Variants in DST observed in about 807,000 individuals in gnomAD.
DST encodes dystonin.
DST carries 253 observed loss-of-function variants against 875.2 expected under a neutral mutation model. That is an observed-to-expected ratio of 0.29 (90% CI 0.26 to 0.32). DST has a LOEUF of 0.32. DST is among the 10% of genes least tolerant of loss of function. The pLI is 1.00. For synonymous variants in DST, 3,124 were observed against 3,197.1 expected (o/e 0.98, Z 0.77); for missense variants, 8,287 against 9,111.6 (o/e 0.91, Z 3.68).
chr6:56,614,552 C>A, intron 36 of DST, 68 bp from the exon 37 acceptor site: 1 of 1,394,156 alleles, frequency 7.2e-7, no homozygotes, highest in Non-Finnish European at 9.3e-7. Flanking sequence ...ACTGACCTCT[C>A]CATAGCAAAC....
intron 5 of DST, among the ~76,000 whole-genome samples, chr6:56,718,669 A>C (rs1265477523): frequency 5.3e-5 from 8 of 152,220 alleles, no homozygotes; most frequent in Admixed American, 5.2e-4. Context: ...ATGTCCATCA[A>C]CTCTTAGGTG....
intron 4 of DST, among the ~76,000 whole-genome samples, chr6:56,813,390 T>TA (rs71549727): frequency 3.6e-4 from 51 of 140,632 alleles, no homozygotes; most frequent in South Asian, 8.7e-4. Context: ...ATAATAATAA[T>TA]AAAAAAAAAA....
chr6:56,477,450 T>C lies in DST; in HGVS notation c.21570A>G (p.Leu7190=), dbSNP rs2152412086. 2.5e-6 allele frequency: 4 copies of C among 1,614,020 alleles called. No homozygotes were observed. Among genetic ancestry groups the C allele is most frequent in the Non-Finnish European group, 3.4e-6 (4 of 1,179,882 alleles). The change falls in exon 91 of 104, where the codon CTA becomes CTG. Residue 7190 remains leucine, a synonymous_variant. Transcript: ENST00000680361. ...MKKLEEKRAE[L]NKATTMGDTV... is the part of the protein sequence containing the mutation. Reference sequence around the variant, plus strand: ...TGTCGCCCATAGTGGTGGCTTTATTTAGTTCAGCTCTCTTTTCTTCCAGTT... The same window carrying C: ...TGTCGCCCATAGTGGTGGCTTTATTCAGTTCAGCTCTCTTTTCTTCCAGTT...
intron 9 of DST, among the ~76,000 whole-genome samples, chr6:56,688,654 A>C (rs1224998132): frequency 6.6e-6 from 1 of 152,220 alleles, no homozygotes; most frequent in East Asian, 1.9e-4. Flanking sequence ...TTCATTACTT[A>C]ATAGAGTCAC....
At position 56,630,348 on chromosome 6, in the gene DST, T is replaced by C. The variant is rs775755743; in HGVS notation, c.4178A>G (p.Gln1393Arg). 6.2e-7 allele frequency: 1 copy of C among 1,613,026 alleles called. No homozygotes were observed. Among genetic ancestry groups the C allele is most frequent in the South Asian group, 1.1e-5 (1 of 91,036 alleles). The change falls in exon 31 of 104, where the codon CAA becomes CGA. Residue 1393 changes from glutamine to arginine, a missense_variant. Transcript: ENST00000680361. ...KTVNLVLKNT[Q>R]AAEALVKLYE... is the part of the protein sequence containing the mutation. ...GAGTTTTACGAGGGCTTCTGCAGCT[T>C]GAGTGTTTTTTAACACCAAGTTAAC...
chr6:56,541,090 A>G (rs1313106830), intron 61 of DST: 1 of 152,650 alleles, frequency 6.6e-6, no homozygotes, highest in Non-Finnish European at 1.5e-5. Flanking sequence ...CTGACATATC[A>G]GCAGGTTCAA....
chr6:56,944,736 A>C (rs1818565403), intron 2 of DST, among the ~76,000 whole-genome samples: 1 of 152,174 alleles, frequency 6.6e-6, no homozygotes, highest in African/African-American at 2.4e-5. Flanking sequence ...GTAGGGGAGA[A>C]ATATGCATTC....
intron 23 of DST, among the ~76,000 whole-genome samples, chr6:56,636,030 T>C (rs965792141): frequency 6.6e-6 from 1 of 152,194 alleles, no homozygotes; most frequent in Non-Finnish European, 1.5e-5. Context: ...ACTTAAAAAC[T>C]TCTATGGTTT....
chr6:56,594,263 G>T, intron 47 of DST, 70 bp from the exon 48 acceptor site: 1 of 1,279,138 alleles, frequency 7.8e-7, no homozygotes, highest in Non-Finnish European at 1.1e-6. Context: ...GCTCCTTGCC[G>T]CCTCAAGACT....
intron 26 of DST, 30 bp from the exon 27 acceptor site, chr6:56,634,288 A>G: frequency 6.2e-7 from 1 of 1,613,602 alleles, no homozygotes. Context: ...ACTCAGATTA[A>G]TGTTTTTACT....
chr6:56,800,957 C>T lies in DST; in HGVS notation c.625+50440G>A, dbSNP rs1455916004. Reference sequence around the variant, plus strand: ...ATCACCTGAGCCCAGGAACTCAAGGCTACAGTAAGCCATGATCACACCAAT... The same window carrying T: ...ATCACCTGAGCCCAGGAACTCAAGGTTACAGTAAGCCATGATCACACCAAT... On this transcript the variant is annotated intron_variant, in intron 4 of 103. Transcript: ENST00000680361. 6.9e-5 allele frequency among the ~76,000 whole-genome samples: 10 copies of T among 145,098 alleles called. No individual in the cohort carries two copies. The East Asian group carries it at 2.1e-3, about 30-fold the overall frequency.
chr6:56,642,728 T>C (rs746696487), intron 15 of DST: 3 of 1,614,064 alleles, frequency 1.9e-6, no homozygotes, highest in Admixed American at 1.7e-5. Flanking sequence ...CTGGTTCGAG[T>C]GCTGGTAGTG....
intron 36 of DST, chr6:56,619,369 G>A (rs1261615419): frequency 6.2e-7 from 1 of 1,613,488 alleles, no homozygotes; most frequent in South Asian, 1.1e-5. Context: ...TGAGCCTTTG[G>A]ATTTTATCAT....
chr6:56,844,729 C>T (rs779330541), intron 4 of DST, among the ~76,000 whole-genome samples: 1 of 152,042 alleles, frequency 6.6e-6, no homozygotes, highest in Admixed American at 6.6e-5. Flanking sequence ...AAAATTTAGC[C>T]GGGCGTGGTG....
At chr6:56,818,266 T>A (rs554068848) in intron 4 of DST, among the ~76,000 whole-genome samples, 167 of 152,030 alleles carry the variant, frequency 1.1e-3, no homozygotes, top group African/African-American at 3.4e-3. Context: ...CCAATTTTTT[T>A]AAAAAAACAA....
At chr6:56,669,811 G>A (rs926186001) in intron 10 of DST, among the ~76,000 whole-genome samples, 1 of 152,066 alleles carries the variant, frequency 6.6e-6, no homozygotes, top group Non-Finnish European at 1.5e-5. Flanking sequence ...GATGTTGTGA[G>A]GAGAAAATGA....
chr6:56,931,422 A>G (rs1260776810), intron 2 of DST, among the ~76,000 whole-genome samples: 1 of 152,228 alleles, frequency 6.6e-6, no homozygotes, highest in African/African-American at 2.4e-5. Context: ...GCAGTGCAGA[A>G]GAGAAATGTG....
At chr6:56,460,517 A>T (rs1324694774) in intron 102 of DST, 1 of 325,198 alleles carries the variant, frequency 3.1e-6, no homozygotes, top group Non-Finnish European at 5.7e-6. Flanking sequence ...AGACCCCCAA[A>T]ACTGAGCATA....
At chr6:56,638,271 C>T (rs1233361124) in intron 22 of DST, among the ~76,000 whole-genome samples, 1 of 152,012 alleles carries the variant, frequency 6.6e-6, no homozygotes, top group East Asian at 1.9e-4. Flanking sequence ...ACATCCCAGG[C>T]CCTCCATTAC....
Sources: allele counts gnomAD v4.1 joint callset (sites outside exome capture counted in the v4.1 genomes callset), GRCh38; gene constraint gnomAD v4.1.1; transcripts MANE v1.5; gene names NCBI Gene and HGNC (gene_info 2026-07-23, HGNC 2026-07-21).